The following PCDH9 variants were observed in gnomAD, a reference collection of about 807,000 sequenced individuals.
PCDH9 encodes the protein protocadherin-9.
Under a neutral mutation model 70.6 loss-of-function variants are expected in PCDH9, and 24 were observed. The ratio of observed to expected loss-of-function variants is 0.34; its 90% CI spans 0.25 to 0.48. The LOEUF is 0.48. Among genes scored for constraint, PCDH9 ranks in the 20% least tolerant of loss-of-function variants. The pLI is 0.99. For synonymous variants in PCDH9, 562 were observed against 558.5 expected (o/e 1.01, Z -0.09); for missense variants, 1,281 against 1,503.6 (o/e 0.85, Z 2.45).
chr13:67,127,979 A>G (rs969635951), intron 2 of PCDH9, among the ~76,000 whole-genome samples: 90 of 152,182 alleles, frequency 5.9e-4, no homozygotes, highest in African/African-American at 2.0e-3. Flanking sequence ...TGTTTTTGCC[A>G]TTTTGGAGGA....
At chr13:66,369,324 C>T (rs74516089) in intron 4 of PCDH9, among the ~76,000 whole-genome samples, 6 of 152,094 alleles carry the variant, frequency 3.9e-5, no homozygotes, top group Non-Finnish European at 7.4e-5. Context: ...TTCTGTATCA[C>T]TTTGATATAC....
intron 2 of PCDH9, among the ~76,000 whole-genome samples, chr13:67,131,666 A>G (rs2087115440): frequency 6.6e-6 from 1 of 152,314 alleles, no homozygotes; most frequent in South Asian, 2.1e-4. Context: ...AAAAATTCAG[A>G]GAATGTTTAG....
chr13:67,023,219 A>G (rs1482980517), intron 2 of PCDH9, among the ~76,000 whole-genome samples: 2 of 151,592 alleles, frequency 1.3e-5, no homozygotes, highest in Non-Finnish European at 2.9e-5. Flanking sequence ...TTACAGTTAC[A>G]CTACTTATTC....
At chr13:66,358,308 T>G (rs1488475450) in intron 4 of PCDH9, among the ~76,000 whole-genome samples, 2 of 151,964 alleles carry the variant, frequency 1.3e-5, no homozygotes, top group Non-Finnish European at 2.9e-5. Context: ...AATTATTTAC[T>G]ATACATTTAT....
At chr13:66,598,853 T>A (rs2138838920) in intron 4 of PCDH9, among the ~76,000 whole-genome samples, 1 of 151,996 alleles carries the variant, frequency 6.6e-6, no homozygotes, top group Non-Finnish European at 1.5e-5. Flanking sequence ...GGCCTTGCAA[T>A]TATTTACCTT....
chr13:66,868,860 T>C (rs897224407), intron 3 of PCDH9, among the ~76,000 whole-genome samples: 7 of 152,102 alleles, frequency 4.6e-5, no homozygotes, highest in South Asian at 2.1e-4. Context: ...TTGCTAGGAA[T>C]TGTAGTTTTA....
At chr13:66,406,301 G>A (rs1957279771) in intron 4 of PCDH9, among the ~76,000 whole-genome samples, 1 of 152,132 alleles carries the variant, frequency 6.6e-6, no homozygotes, top group South Asian at 2.1e-4. Flanking sequence ...CTAAGCCCCA[G>A]ATTCTTCAGC....
intron 2 of PCDH9, among the ~76,000 whole-genome samples, chr13:67,120,450 C>A (rs1434546343): frequency 6.6e-6 from 1 of 152,152 alleles, no homozygotes; most frequent in East Asian, 1.9e-4. Context: ...CTTTTTCTGC[C>A]ACCAACAACT....
intron 4 of PCDH9, among the ~76,000 whole-genome samples, chr13:66,496,167 C>T (rs1959113413): frequency 6.6e-6 from 1 of 152,172 alleles, no homozygotes; most frequent in African/African-American, 2.4e-5. Flanking sequence ...TGAACATGTT[C>T]AAAATATAAC....
chr13:66,942,737 T>C (rs79868670), intron 2 of PCDH9, among the ~76,000 whole-genome samples: 2,044 of 152,190 alleles, frequency 0.013, 47 homozygotes, highest in African/African-American at 0.047. Flanking sequence ...ATCATCAGAA[T>C]TGCACAATTG....
At chr13:66,685,674 A>G (rs1403442260) in intron 3 of PCDH9, among the ~76,000 whole-genome samples, 2 of 152,206 alleles carry the variant, frequency 1.3e-5, no homozygotes, top group African/African-American at 2.4e-5. Flanking sequence ...ATATAAATGA[A>G]GGAGGGCTAT....
chr13:66,863,793 A>G (rs892463074), intron 3 of PCDH9, among the ~76,000 whole-genome samples: 1 of 152,120 alleles, frequency 6.6e-6, no homozygotes, highest in Non-Finnish European at 1.5e-5. Context: ...GAACTGTGAC[A>G]TGCAAAATTT....
intron 3 of PCDH9, among the ~76,000 whole-genome samples, chr13:66,700,720 T>C (rs1400858428): frequency 6.6e-6 from 1 of 151,972 alleles, no homozygotes; most frequent in African/African-American, 2.4e-5. Context: ...ACCTGCTGAA[T>C]TGGCAAAATC....
At chr13:67,201,995 A>G (rs1192919541) in intron 2 of PCDH9, 1 of 152,094 alleles carries the variant, frequency 6.6e-6, no homozygotes, top group African/African-American at 2.4e-5. Context: ...ACACATGGCG[A>G]TTTATTTGGG....
At chr13:66,664,031 A>T (rs374554705) in intron 3 of PCDH9, among the ~76,000 whole-genome samples, 1 of 152,164 alleles carries the variant, frequency 6.6e-6, no homozygotes, top group African/African-American at 2.4e-5. Flanking sequence ...TGCTAGCAGG[A>T]CACACTGAAA....
chr13:66,770,044 G>C (rs955500766), intron 3 of PCDH9, among the ~76,000 whole-genome samples: 1 of 152,094 alleles, frequency 6.6e-6, no homozygotes, highest in Non-Finnish European at 1.5e-5. Flanking sequence ...TATGGAAGTG[G>C]AAAATTGAGA....
chr13:67,119,825 A>T (rs1445009426), intron 2 of PCDH9, among the ~76,000 whole-genome samples: 1 of 152,110 alleles, frequency 6.6e-6, no homozygotes, highest in Non-Finnish European at 1.5e-5. Context: ...GGCTTTAGAG[A>T]ATCGTGCAAG....
intron 4 of PCDH9, among the ~76,000 whole-genome samples, chr13:66,589,497 A>G (rs563023922): frequency 6.6e-6 from 1 of 152,128 alleles, no homozygotes; most frequent in Non-Finnish European, 1.5e-5. Flanking sequence ...AGTAAAGAAA[A>G]TAAAATGCAA....
At chr13:66,751,695 G>C (rs2079462062) in intron 3 of PCDH9, among the ~76,000 whole-genome samples, 2 of 152,170 alleles carry the variant, frequency 1.3e-5, no homozygotes, top group South Asian at 4.1e-4. Flanking sequence ...AGCCACTTAT[G>C]TGCCCCTTTT....
Sources: allele counts gnomAD v4.1 joint callset (sites outside exome capture counted in the v4.1 genomes callset), GRCh38; gene constraint gnomAD v4.1.1; transcripts MANE v1.5; gene names NCBI Gene and HGNC (gene_info 2026-07-23, HGNC 2026-07-21).